The following MUC4 variants were observed in gnomAD, a reference collection of about 807,000 sequenced individuals.
MUC4 encodes mucin 4, cell surface associated.
In MUC4, 202 loss-of-function variants were observed where a neutral mutation model predicts 257.9. The ratio of observed to expected loss-of-function variants is 0.78; its 90% CI spans 0.70 to 0.88. The LOEUF is 0.88. MUC4 is among the 40% of genes least tolerant of loss of function. MUC4 has a pLI of 0.00. For missense variants in MUC4, 5,976 were observed against 6,513.7 expected (o/e 0.92, Z 2.84); for synonymous variants, 2,351 against 2,757.1 (o/e 0.85, Z 4.62).
In MUC4 at chr3:195,764,094, C is replaced by T; in HGVS notation, c.13995G>A (p.Gln4665=). ...NDKPYLCALY[Q]QRRPHVGCAT... The stretch of plus-strand genomic sequence containing the variant: ...CACAGCCCACGTGGGGCCGCCTCTG[C>T]TGGTACAGGGCACAGAGGTAGGGCT... Residue 4665 remains glutamine, a synonymous_variant, in exon 11 of 25, where the codon CAG becomes CAA. Transcript: ENST00000463781. 1 of 1,608,414 alleles carries T rather than the reference C, an allele frequency of 6.2e-7. No homozygotes were observed. Among genetic ancestry groups the T allele is most frequent in the Non-Finnish European group, 8.5e-7 (1 of 1,178,026 alleles).
At chr3:195,792,155 A>C (rs1317810158) in intron 1 of MUC4, among the ~76,000 whole-genome samples, 2 of 152,246 alleles carry the variant, frequency 1.3e-5, no homozygotes, top group Non-Finnish European at 2.9e-5. Flanking sequence ...ATTAAACTAA[A>C]GAGCTCTGCA....
intron 6 of MUC4, chr3:195,769,490 G>A: frequency 3.4e-6 from 1 of 292,172 alleles, no homozygotes; most frequent in East Asian, 6.1e-5. Flanking sequence ...CAGAGAGCTA[G>A]AGAGGAGGCT....
In MUC4 at chr3:195,786,902, A is replaced by T. The variant is rs747604964; in HGVS notation, c.4678T>A (p.Ser1560Thr). The T allele has an allele frequency of 1.7e-5, 25 of 1,508,394 alleles. No individual in the cohort carries two copies. The highest frequency in any genetic ancestry group is 3.7e-5 in the South Asian group (3 of 81,668). 93.4% of individuals were successfully genotyped at this position (1,508,394 alleles called of 1,614,324 possible). A position where few individuals can be genotyped will look rare whatever the true frequency, so the allele number is the denominator to read the frequency against. Residue 1560 changes from serine to threonine, a missense_variant, in exon 2 of 25, where the codon TCA becomes ACA. This residue lies in a region of MUC4 where 63 missense variants were observed against 68.8 expected (regional missense o/e 0.92). Transcript: ENST00000463781. ...TTPLPVTDASSVSTGHTTPLP... is the reference protein window; with the variant it reads ...TTPLPVTDASTVSTGHTTPLP... ...GGGGTGGTGTGACCTGTGGATACTG[A>T]GGAAGCGTCGGTGACAGGAAGAGGG...
intron 1 of MUC4, among the ~76,000 whole-genome samples, chr3:195,799,272 T>G (rs1411074717): frequency 8.2e-6 from 1 of 122,030 alleles, no homozygotes; most frequent in Admixed American, 8.4e-5. Flanking sequence ...ACACTGTGTG[T>G]GTGTGTCCCT....
intron 8 of MUC4, among the ~76,000 whole-genome samples, chr3:195,765,667 G>C (rs1276423869): frequency 6.6e-6 from 1 of 152,206 alleles, no homozygotes; most frequent in Non-Finnish European, 1.5e-5. Flanking sequence ...AGAACAAATA[G>C]AACTGGATTT....
At position 195,781,277 on chromosome 3, in the gene MUC4, T is replaced by A; in HGVS notation, c.10303A>T (p.Thr3435Ser). ...LPVTSTSSAS[T>S]GHATPVPVTS... Reference sequence around the variant, plus strand: ...ACAGGAACAGGGGTGGCGTGACCGGTGGATGCTGAGGAAGTGCTGGTGACA... The same window carrying A: ...ACAGGAACAGGGGTGGCGTGACCGGAGGATGCTGAGGAAGTGCTGGTGACA... Residue 3435 changes from threonine (T) to serine (S), a missense_variant, in exon 2 of 25, where the codon ACC (threonine) becomes TCC (serine). Around this residue, in one of 44 missense-constraint regions of MUC4, gnomAD observed 297 missense variants for 240.9 expected, o/e 1.23. Coordinates refer to ENST00000463781, the MANE Select transcript of MUC4 (RefSeq NM_018406.7). 1.4e-6 allele frequency: 2 copies of A among 1,418,300 alleles called. No individual in the cohort carries two copies. The highest frequency in any genetic ancestry group is 9.5e-7 in the Non-Finnish European group (1 of 1,056,132). The allele number at this position is 1,418,300 out of a possible 1,614,324, so 87.9% of individuals were successfully genotyped here.
In MUC4 at chr3:195,787,949, T is replaced by C; in HGVS notation, c.3631A>G (p.Thr1211Ala). Residue 1211 changes from threonine (T) to alanine (A), a missense_variant, in exon 2 of 25, where the codon ACA becomes GCA. Transcript: ENST00000463781. ...LLVTDTSSAS[T>A]GHATPLPVTD... ...ACAGGAAGAGGGGTGGCGTGTCCTG[T>C]GGATGCTGAGGAAGTGTCGGTGACA... 1 of 1,162,862 alleles carries C rather than the reference T, an allele frequency of 8.6e-7. No homozygotes were observed. Among genetic ancestry groups the C allele is most frequent in the Non-Finnish European group, 1.2e-6 (1 of 863,484 alleles). The allele number at this position is 1,162,862 out of a possible 1,614,324, so 72.0% of individuals were successfully genotyped here.
rs1323555836 is a variant in MUC4 at position 195,778,455 on chromosome 3, C to T, written c.12791G>A (p.Gly4264Glu). ...SDSPLKMETP[G>E]MTTPSLKTDG... ...TGTCTTCAGTGACGGTGTTGTCATTCCTGGACACGTGAAAAGACAAGGCGG... is the reference window on the plus strand; with the variant it reads ...TGTCTTCAGTGACGGTGTTGTCATTTCTGGACACGTGAAAAGACAAGGCGG... Residue 4264 changes from glycine (G) to glutamate (E), a missense_variant and splice_region_variant, in exon 3 of 25, where the codon GGA (glycine) becomes GAA (glutamate). This residue lies in a region of MUC4 where 233 missense variants were observed against 171.2 expected (regional missense o/e 1.36). Transcript: ENST00000463781. 8 of 1,611,924 alleles carry T rather than the reference C, an allele frequency of 5.0e-6. No individual in the cohort carries two copies. Among genetic ancestry groups the T allele is most frequent in the Non-Finnish European group, 5.9e-6 (7 of 1,179,568 alleles).
chr3:195,767,788 CATT>C (rs1437673811), intron 7 of MUC4, among the ~76,000 whole-genome samples: 1 of 101,404 alleles, frequency 9.9e-6, no homozygotes, highest in Non-Finnish European at 2.0e-5. Flanking sequence ...TCACCACCAT[CATT>C]GCCACCACCA....
Position 195,759,026 on chromosome 3 carries a change from G to A in MUC4, c.14986+98C>T, listed in dbSNP as rs1577977800. ...TATTCAAATGAAAGAGTGACAGCAA[G>A]TGTTGCTGGGTGTAGCAATGCAGAA... On this transcript the variant is annotated intron_variant, in intron 17 of 24. Coordinates refer to ENST00000463781, the MANE Select transcript of MUC4 (RefSeq NM_018406.7). 4.2e-6 allele frequency: 6 copies of A among 1,419,876 alleles called. No homozygotes were observed. In the African/African-American group the frequency reaches 4.3e-5, roughly 10 times the overall value. The allele number at this position is 1,419,876 out of a possible 1,614,324, so 88.0% of individuals were successfully genotyped here.
At chr3:195,748,390 C>A (rs1715588259) in intron 24 of MUC4, among the ~76,000 whole-genome samples, 1 of 152,366 alleles carries the variant, frequency 6.6e-6, no homozygotes, top group East Asian at 1.9e-4. Flanking sequence ...ATGGCGAAAC[C>A]CCGTCTCTAC....
At chr3:195,801,949 C>CT (rs1299810967) in intron 1 of MUC4, among the ~76,000 whole-genome samples, 1 of 152,116 alleles carries the variant, frequency 6.6e-6, no homozygotes, top group Non-Finnish European at 1.5e-5. Context: ...CTCTCTCCCC[C>CT]GCTCCACGCC....
rs779670622 is a variant in MUC4 at position 195,781,201 on chromosome 3, G to A, written c.10379C>T (p.Thr3460Ile). The change falls in exon 2 of 25, where the codon ACC becomes ATC. Residue 3460 changes from threonine (T) to isoleucine (I), a missense_variant. This residue lies in a region of MUC4 where 297 missense variants were observed against 240.9 expected (regional missense o/e 1.23). Coordinates refer to ENST00000463781, the MANE Select transcript of MUC4 (RefSeq NM_018406.7). ...ACCTGTGGATGCTGAGGAAGTGTCG[G>A]TGACAGGAAGAGGGGTGGTGTGACC... ...STGHTTPLPVTDTSSASTGDT... is the reference protein window; with the variant it reads ...STGHTTPLPVIDTSSASTGDT... 5 of 1,410,932 alleles carry A rather than the reference G, an allele frequency of 3.5e-6. No individual in the cohort carries two copies. In the African/African-American group the frequency reaches 6.0e-5, roughly 17 times the overall value. The allele number at this position is 1,410,932 out of a possible 1,614,324, so 87.4% of individuals were successfully genotyped here.
At chr3:195,799,626 T>C (rs1026151182) in intron 1 of MUC4, among the ~76,000 whole-genome samples, 1 of 152,210 alleles carries the variant, frequency 6.6e-6, no homozygotes, top group Non-Finnish European at 1.5e-5. Context: ...TAAGCCATCA[T>C]AGAGAAAGCT....
intron 1 of MUC4, among the ~76,000 whole-genome samples, chr3:195,792,983 G>A (rs1472227575): frequency 6.6e-6 from 1 of 152,100 alleles, no homozygotes; most frequent in Admixed American, 6.6e-5. Context: ...CGCCTGTCAG[G>A]GACGGGACAA....
chr3:195,759,012 A>C, intron 17 of MUC4, 112 bp downstream of exon 17: 1 of 1,373,080 alleles, frequency 7.3e-7, no homozygotes. Context: ...ATTCAAATGA[A>C]AGAGTGACAG....
rs1419569252 is a variant in MUC4, at chr3:195,789,173, C to T, written c.2407G>A (p.Ala803Thr). 2 of 1,613,848 alleles carry T rather than the reference C, an allele frequency of 1.2e-6. No individual in the cohort carries two copies. The highest frequency in any genetic ancestry group is 2.2e-5 in the East Asian group (1 of 44,880). ...CTCGCCCCGGATGAGGAAGGGGTAG[C>T]TGTGCCCGCTGAGGTGGTTCGTGAC... is the stretch of plus-strand genomic sequence containing the variant. Reference protein sequence around the residue: ...SGSRTTSAGTATPSSSGASGT... With the variant: ...SGSRTTSAGTTTPSSSGASGT... The change falls in exon 2 of 25, where the codon GCT (alanine) becomes ACT (threonine). Residue 803 changes from alanine (A) to threonine (T), a missense_variant. Ala to Thr is a moderately conservative substitution (Grantham distance 58). Coordinates refer to ENST00000463781, the MANE Select transcript of MUC4 (RefSeq NM_018406.7).
chr3:195,753,406 T>C (rs1025459994), intron 19 of MUC4, 176 bp from the exon 20 acceptor site: 12 of 610,628 alleles, frequency 2.0e-5, no homozygotes, highest in African/African-American at 1.9e-4. Context: ...GGGCAACCCC[T>C]TTCCCCGGCC....
chr3:195,784,125 G>A lies in MUC4; in HGVS notation c.7455C>T (p.Asp2485=), dbSNP rs199626832. ...TGTCACCTGTGGATACTGACGAAGC[G>A]TCGGTGACAAGAAGAGGGGTGGTGT... ...TGHTTPLLVT[D]ASSVSTGDTT... Residue 2485 remains aspartate (D), a synonymous_variant, in exon 2 of 25, where the codon GAC becomes GAT. Transcript: ENST00000463781. The A allele has an allele frequency of 0.013, 19,035 of 1,493,044 alleles. No individual in the cohort carries two copies. Among genetic ancestry groups the A allele is most frequent in the Non-Finnish European group, 0.015 (16,592 of 1,106,198 alleles). The allele number at this position is 1,493,044 out of a possible 1,614,324, so 92.5% of individuals were successfully genotyped here. A position where few individuals can be genotyped will look rare whatever the true frequency, so the allele number is the denominator to read the frequency against.
Sources: allele counts gnomAD v4.1 joint callset (sites outside exome capture counted in the v4.1 genomes callset), GRCh38; gene constraint gnomAD v4.1.1; regional missense constraint gnomAD v4.1.1; transcripts MANE v1.5; gene names NCBI Gene and HGNC (gene_info 2026-07-23, HGNC 2026-07-21).